Variants in SH3BGR observed in about 807,000 individuals in gnomAD.
SH3BGR encodes SH3 domain binding glutamate rich protein, also known as SH3 domain-binding glutamic acid-rich protein.
Under a neutral mutation model 24.5 loss-of-function variants are expected in SH3BGR, and 29 were observed. The observed-to-expected ratio is 1.18, with a 90% CI of 0.88 to 1.61. The LOEUF (loss-of-function observed/expected upper bound fraction) is 1.61, where lower values mean the gene tolerates loss of function less well. Among genes scored for constraint, SH3BGR ranks in the 40% most tolerant of loss-of-function variants. SH3BGR has a pLI of 0.00. For missense variants in SH3BGR, 162 were observed against 205.8 expected (o/e 0.79, Z 1.30); for synonymous variants, 55 against 65.7 (o/e 0.84, Z 0.79).
intron 1 of SH3BGR, among the ~76,000 whole-genome samples, chr21:39,452,543 C>T (rs545228565): frequency 6.6e-6 from 1 of 152,232 alleles, no homozygotes; most frequent in South Asian, 2.1e-4. Flanking sequence ...GATGATGAAC[C>T]AGATTGCTAA....
chr21:39,489,954 A>G lies in SH3BGR; in HGVS notation c.313-9869A>G, dbSNP rs1166571783. Among the ~76,000 whole-genome samples, 3 of 152,338 alleles carry G rather than the reference A, an allele frequency of 2.0e-5. No individual in the cohort carries two copies. The East Asian group carries it at 5.8e-4, about 29-fold the overall frequency. ...CACTGTGGATGGAACTATGTGAGAA[A>G]GGAGATATAGGAAAATATCCATTAC... On this transcript the variant is annotated intron_variant, in intron 3 of 6. Coordinates refer to ENST00000333634, the MANE Select transcript of SH3BGR (RefSeq NM_007341.3).
chr21:39,449,733 A>G (rs2077552375), upstream of SH3BGR, among the ~76,000 whole-genome samples: 1 of 152,162 alleles, frequency 6.6e-6, no homozygotes, highest in African/African-American at 2.4e-5. Flanking sequence ...GGAATGGGTG[A>G]GGCTTAAGTC....
rs183973049 is a variant in SH3BGR at position 39,493,446 on chromosome 21, G to C, written c.313-6377G>C. On this transcript the variant is annotated intron_variant, in intron 3 of 6. Transcript: ENST00000333634. ...CTGTAAGTATTTGGTATTATTTCTG[G>C]GTTCTCTATTCTGTTTCATTGGTCT... 3.1e-3 allele frequency among the ~76,000 whole-genome samples: 468 copies of C among 152,188 alleles called. 3 individuals are homozygous for C. Among genetic ancestry groups the C allele is most frequent in the African/African-American group, 0.01 (432 of 41,528 alleles).
chr21:39,506,857 G>A (rs142248092), intron 4 of SH3BGR, among the ~76,000 whole-genome samples: 16 of 152,258 alleles, frequency 1.1e-4, no homozygotes, highest in East Asian at 3.9e-4. Flanking sequence ...TTTTTGGAAC[G>A]ATCTCTCTGG....
rs569174749 is a variant in SH3BGR at position 39,511,458 on chromosome 21, G to GGT, written c.436-211_436-210dup. ...TGCTGTGTGTCATGTGTGTTTCCGTGGTGTGTGTGTGTTTGGGCGGTATGT... is the reference window on the plus strand; with the variant it reads ...TGCTGTGTGTCATGTGTGTTTCCGTGGTGTGTGTGTGTGTTTGGGCGGTATGT... On this transcript the variant is annotated intron_variant, in intron 5 of 6. Transcript: ENST00000333634. The surrounding 1 kb of genome is among the most constrained non-coding windows in gnomAD (Gnocchi z 4.2). 6.8e-6 allele frequency among the ~76,000 whole-genome samples: 1 copy of GGT among 146,664 alleles called. No homozygotes were observed. Among genetic ancestry groups the GGT allele is most frequent in the Non-Finnish European group, 1.5e-5 (1 of 66,296 alleles).
intron 3 of SH3BGR, among the ~76,000 whole-genome samples, chr21:39,476,331 T>A (rs1407303607): frequency 6.6e-6 from 1 of 152,146 alleles, no homozygotes; most frequent in Non-Finnish European, 1.5e-5. Flanking sequence ...AAGTGACCAC[T>A]GGCTTTGATG....
chr21:39,454,600 G>A (rs544762356), intron 1 of SH3BGR, among the ~76,000 whole-genome samples: 155 of 152,254 alleles, frequency 1.0e-3, no homozygotes, highest in Middle Eastern at 3.4e-3. Flanking sequence ...AGTCCCTGCC[G>A]TCTCCAAGAT....
chr21:39,496,506 CAA>C (rs56909090), intron 3 of SH3BGR, among the ~76,000 whole-genome samples: 3,193 of 102,848 alleles, frequency 0.031, 64 homozygotes, highest in African/African-American at 0.11. Context: ...GACTCCGTCT[CAA>C]AAAAAAAAAA....
chr21:39,448,891 G>A (rs1318764336), upstream of SH3BGR, among the ~76,000 whole-genome samples: 13 of 151,472 alleles, frequency 8.6e-5, no homozygotes, highest in Admixed American at 4.6e-4. Flanking sequence ...CTCAGTATGC[G>A]CCCCCACCCC....
At chr21:39,491,520 T>C in intron 3 of SH3BGR, 1 of 245,052 alleles carries the variant, frequency 4.1e-6, no homozygotes, top group South Asian at 5.9e-5. Flanking sequence ...TAGTTTTTCT[T>C]CAGTCTTCTA....
intron 2 of SH3BGR, among the ~76,000 whole-genome samples, chr21:39,465,892 C>T (rs34664105): frequency 0.13 from 19,203 of 152,092 alleles, 1,663 homozygotes; most frequent in South Asian, 0.17. Flanking sequence ...TGCCTGGCTG[C>T]CCCATATTTT....
upstream of SH3BGR, among the ~76,000 whole-genome samples, chr21:39,451,607 T>G (rs2077575149): frequency 6.6e-6 from 1 of 152,180 alleles, no homozygotes; most frequent in Admixed American, 6.5e-5. Flanking sequence ...CCAAAAGCCC[T>G]TTAAACCCAG....
At chr21:39,462,641 C>G in intron 2 of SH3BGR, 81 bp downstream of exon 2, 1 of 998,528 alleles carries the variant, frequency 1.0e-6, no homozygotes, top group South Asian at 2.2e-5. Context: ...TTTGAGTCAG[C>G]ATTTGAAATT....
chr21:39,457,976 A>G (rs2077691035), intron 1 of SH3BGR, among the ~76,000 whole-genome samples: 1 of 152,120 alleles, frequency 6.6e-6, no homozygotes, highest in Non-Finnish European at 1.5e-5. Context: ...CCCCAAACAA[A>G]GAAACACCCT....
At chr21:39,500,795 G>A (rs2078481702) in intron 4 of SH3BGR, among the ~76,000 whole-genome samples, 1 of 152,078 alleles carries the variant, frequency 6.6e-6, no homozygotes, top group Non-Finnish European at 1.5e-5. Context: ...ATAGAATGTG[G>A]CTAGAAAGGG....
At chr21:39,451,259 C>G (rs1026063558), upstream of SH3BGR, among the ~76,000 whole-genome samples, 2 of 152,136 alleles carry the variant, frequency 1.3e-5, no homozygotes, top group Admixed American at 6.5e-5. Flanking sequence ...TTTCCCCAAG[C>G]ACTTTAAAAT....
intron 3 of SH3BGR, among the ~76,000 whole-genome samples, chr21:39,475,558 G>T (rs1012961690): frequency 1.3e-5 from 2 of 151,996 alleles, no homozygotes; most frequent in Non-Finnish European, 2.9e-5. Context: ...ATTTTGTTTT[G>T]AATTGACTTC....
chr21:39,499,193 A>G (rs2078448137), intron 3 of SH3BGR, among the ~76,000 whole-genome samples: 1 of 151,538 alleles, frequency 6.6e-6, no homozygotes, highest in Non-Finnish European at 1.5e-5. Flanking sequence ...ATAATTCAAG[A>G]TGAGATTTGA....
intron 2 of SH3BGR, among the ~76,000 whole-genome samples, chr21:39,472,988 A>G (rs2077966530): frequency 1.3e-5 from 2 of 152,178 alleles, no homozygotes; most frequent in African/African-American, 4.8e-5. Flanking sequence ...ATGCCAGGTC[A>G]GCAGTGTATT....
Sources: allele counts gnomAD v4.1 joint callset (sites outside exome capture counted in the v4.1 genomes callset), GRCh38; gene constraint gnomAD v4.1.1; non-coding constraint Gnocchi (gnomAD v3.1); transcripts MANE v1.5; gene names NCBI Gene and HGNC (gene_info 2026-07-23, HGNC 2026-07-21).